Variants in MCC observed in about 807,000 individuals in gnomAD.
MCC encodes MCC regulator of Wnt signaling pathway.
MCC carries 90 observed loss-of-function variants against 116.2 expected under a neutral mutation model. The observed-to-expected ratio is 0.77, with a 90% CI of 0.65 to 0.92. MCC has a LOEUF of 0.92. Among genes scored for constraint, MCC ranks in the 40% least tolerant of loss-of-function variants. The probability of loss-of-function intolerance (pLI) is 0.00; values close to 1 mark genes in which losing one functional copy is unlikely to be tolerated. For synonymous variants in MCC, 578 were observed against 510.5 expected (o/e 1.13, Z -1.78); for missense variants, 1,516 against 1,312.2 (o/e 1.16, Z -2.40).
At chr5:113,472,296 T>C (rs1018008754) in intron 1 of MCC, among the ~76,000 whole-genome samples, 11 of 152,220 alleles carry the variant, frequency 7.2e-5, no homozygotes, top group African/African-American at 2.2e-4. Flanking sequence ...TATTCGGCCA[T>C]CTTCTGTGTG....
chr5:113,483,234 T>G (rs967943218), intron 1 of MCC, among the ~76,000 whole-genome samples: 3 of 152,206 alleles, frequency 2.0e-5, no homozygotes, highest in Admixed American at 6.5e-5. Context: ...TTTTCAAGAT[T>G]GTTTTGACTC....
At chr5:113,280,861 G>C (rs1209739268) in intron 3 of MCC, among the ~76,000 whole-genome samples, 1 of 152,206 alleles carries the variant, frequency 6.6e-6, no homozygotes, top group Non-Finnish European at 1.5e-5. Context: ...CACCATAAGA[G>C]AGTCCATGGA....
intron 1 of MCC, among the ~76,000 whole-genome samples, chr5:113,478,025 T>TA (rs983415476): frequency 1.3e-5 from 2 of 152,180 alleles, no homozygotes; most frequent in African/African-American, 4.8e-5. Context: ...CTCCATGTGT[T>TA]AAAATGGAAC....
intron 3 of MCC, among the ~76,000 whole-genome samples, chr5:113,254,471 T>C (rs1253208375): frequency 2.0e-5 from 3 of 152,186 alleles, no homozygotes; most frequent in African/African-American, 4.8e-5. Flanking sequence ...AAATAAATTA[T>C]AGTTTTGAGA....
At chr5:113,437,660 C>T (rs1200725461) in intron 1 of MCC, among the ~76,000 whole-genome samples, 2 of 152,184 alleles carry the variant, frequency 1.3e-5, no homozygotes, top group Non-Finnish European at 2.9e-5. Context: ...TCTATTTTGG[C>T]TCAAAATTCC....
At chr5:113,060,638 CA>C (rs1253490260) in intron 14 of MCC, among the ~76,000 whole-genome samples, 1 of 152,172 alleles carries the variant, frequency 6.6e-6, no homozygotes, top group Non-Finnish European at 1.5e-5. Flanking sequence ...TTACAACAAA[CA>C]TACAGTTCTT....
chr5:113,195,750 A>C (rs755260051), intron 3 of MCC, among the ~76,000 whole-genome samples: 2 of 152,122 alleles, frequency 1.3e-5, no homozygotes, highest in Non-Finnish European at 2.9e-5. Flanking sequence ...TCACTTCTCA[A>C]ACTCCTTTGA....
chr5:113,244,726 A>T (rs1426084746), intron 3 of MCC, among the ~76,000 whole-genome samples: 2 of 152,230 alleles, frequency 1.3e-5, no homozygotes, highest in Non-Finnish European at 2.9e-5. Context: ...GGAGGCTAGA[A>T]GTAAAGATAG....
At chr5:113,060,872 C>A (rs1347429299) in intron 14 of MCC, among the ~76,000 whole-genome samples, 1 of 152,182 alleles carries the variant, frequency 6.6e-6, no homozygotes, top group Non-Finnish European at 1.5e-5. Flanking sequence ...TCCTGACACA[C>A]AGATGGAAAA....
intron 2 of MCC, among the ~76,000 whole-genome samples, chr5:113,347,907 A>T (rs1211216592): frequency 1.3e-5 from 2 of 152,142 alleles, no homozygotes; most frequent in Admixed American, 6.5e-5. Context: ...ATGCCAATGG[A>T]AGCCAAATAG....
intron 3 of MCC, among the ~76,000 whole-genome samples, chr5:113,203,964 G>T (rs1160560859): frequency 6.6e-6 from 1 of 152,172 alleles, no homozygotes; most frequent in Non-Finnish European, 1.5e-5. Flanking sequence ...TTTGAGGAGA[G>T]ATGCCGGACG....
intron 3 of MCC, chr5:113,294,407 C>G (rs1426460938): frequency 1.9e-6 from 3 of 1,611,468 alleles, no homozygotes; most frequent in Admixed American, 3.3e-5. Flanking sequence ...CAGAGCTGGG[C>G]TCTCAGTCCC....
chr5:113,246,475 G>A (rs944759883), intron 3 of MCC, among the ~76,000 whole-genome samples: 3 of 152,192 alleles, frequency 2.0e-5, no homozygotes, highest in African/African-American at 7.2e-5. Flanking sequence ...GCTCTAGGGC[G>A]AGGGGTTGTG....
chr5:113,480,632 G>A (rs1783209758), intron 1 of MCC, among the ~76,000 whole-genome samples: 2 of 152,134 alleles, frequency 1.3e-5, no homozygotes, highest in South Asian at 4.1e-4. Context: ...TTGCAGAAAG[G>A]GTGTAGGCAT....
chr5:113,391,304 C>T (rs1247558107), intron 1 of MCC, among the ~76,000 whole-genome samples: 2 of 152,100 alleles, frequency 1.3e-5, no homozygotes, highest in African/African-American at 2.4e-5. Context: ...TACTAAAACG[C>T]TGAAGGTTCT....
chr5:113,150,706 T>C (rs1386208673), intron 4 of MCC, among the ~76,000 whole-genome samples: 1 of 152,086 alleles, frequency 6.6e-6, no homozygotes, highest in Admixed American at 6.5e-5. Context: ...AAAGATGATG[T>C]AACATACAAA....
chr5:113,469,224 G>T (rs1185543450), intron 1 of MCC, among the ~76,000 whole-genome samples: 2 of 152,068 alleles, frequency 1.3e-5, no homozygotes, highest in African/African-American at 4.8e-5. Context: ...CCTTATGCTA[G>T]CTTTTGAATG....
intron 3 of MCC, among the ~76,000 whole-genome samples, chr5:113,261,281 C>T (rs1765210099): frequency 6.6e-6 from 1 of 152,106 alleles, no homozygotes; most frequent in Non-Finnish European, 1.5e-5. Context: ...TTACTGAATA[C>T]TGTATTAGAA....
At chr5:113,401,777 A>G (rs1220406576) in intron 1 of MCC, among the ~76,000 whole-genome samples, 1 of 151,334 alleles carries the variant, frequency 6.6e-6, no homozygotes, top group South Asian at 2.1e-4. Flanking sequence ...ATTTATATAT[A>G]TATATATATA....
Sources: gnomAD v4.1 joint callset for allele counts (sites outside exome capture counted in the v4.1 genomes callset) on GRCh38, gnomAD v4.1.1 for gene constraint, MANE v1.5 for transcripts, NCBI Gene and HGNC (gene_info 2026-07-23, HGNC 2026-07-21) for gene names.